The following NWD2 variants were observed in gnomAD, a reference collection of about 807,000 sequenced individuals.
The protein encoded by NWD2 is NACHT and WD repeat domain containing 2.
A neutral mutation model predicts 132.7 loss-of-function variants in NWD2; 37 were observed. The observed-to-expected ratio is 0.28, with a 90% CI of 0.21 to 0.37. The LOEUF is 0.37. Among genes scored for constraint, NWD2 ranks in the 10% least tolerant of loss-of-function variants. The pLI, the probability that NWD2 is intolerant of heterozygous loss-of-function variation, is 1.00. For synonymous variants in NWD2, 705 were observed against 803.0 expected (o/e 0.88, Z 2.06); for missense variants, 1,592 against 2,122.4 (o/e 0.75, Z 4.91).
At position 37,394,810 on chromosome 4, in the gene NWD2, T is replaced by TTTGTTTTGTTTTG. The variant is rs1472126927; in HGVS notation, c.358-35760_358-35759insGTTTTGTTTTGTT. On this transcript the variant is annotated intron_variant, in intron 3 of 6. Transcript: ENST00000309447. ...AGTGAACCTTTATGGTTTTTTTTTT[T>TTTGTTTTGTTTTG]TTTTTTTTTTTTTTTTTTGAGGCAG... 1.8e-4 allele frequency among the ~76,000 whole-genome samples: 22 copies of TTTGTTTTGTTTTG among 121,456 alleles called. 1 individual carries two copies. Among genetic ancestry groups the TTTGTTTTGTTTTG allele is most frequent in the African/African-American group, 6.1e-4 (19 of 31,342 alleles). 79.7% of individuals were successfully genotyped at this position (121,456 alleles called of 152,430 possible). A position where few individuals can be genotyped will look rare whatever the true frequency, so the allele number is the denominator to read the frequency against.
chr4:37,315,031 G>T (rs1013542996), intron 1 of NWD2, among the ~76,000 whole-genome samples: 1 of 152,004 alleles, frequency 6.6e-6, no homozygotes, highest in Middle Eastern at 3.2e-3. Flanking sequence ...CAAATATTTA[G>T]AAATATATTA....
intron 3 of NWD2, among the ~76,000 whole-genome samples, chr4:37,390,988 G>T (rs567630249): frequency 1.3e-5 from 2 of 152,148 alleles, no homozygotes; most frequent in Non-Finnish European, 2.9e-5. Flanking sequence ...TTCATTTAGA[G>T]TTCATTAAAA....
intron 1 of NWD2, among the ~76,000 whole-genome samples, chr4:37,250,798 A>G (rs371414344): frequency 5.3e-5 from 8 of 152,212 alleles, no homozygotes; most frequent in South Asian, 2.1e-4. Flanking sequence ...TTGTCATTGT[A>G]TGAACATCGT....
intron 3 of NWD2, among the ~76,000 whole-genome samples, chr4:37,368,022 T>C (rs1720135522): frequency 6.6e-6 from 1 of 152,130 alleles, no homozygotes; most frequent in Non-Finnish European, 1.5e-5. Context: ...AACTATAAGG[T>C]CCTGTTCCAG....
chr4:37,391,892 A>G (rs954262332), intron 3 of NWD2, among the ~76,000 whole-genome samples: 2 of 152,176 alleles, frequency 1.3e-5, no homozygotes, highest in Non-Finnish European at 2.9e-5. Flanking sequence ...TCATCAGCTT[A>G]AGTATGTTCG....
chr4:37,253,921 T>TA (rs753630876), intron 1 of NWD2, among the ~76,000 whole-genome samples: 4 of 152,210 alleles, frequency 2.6e-5, no homozygotes, highest in Admixed American at 2.0e-4. Flanking sequence ...TTCTTTTTTT[T>TA]ATCCATCCTT....
chr4:37,304,617 C>A (rs776679990), intron 1 of NWD2, among the ~76,000 whole-genome samples: 1 of 152,150 alleles, frequency 6.6e-6, no homozygotes, highest in South Asian at 2.1e-4. Flanking sequence ...CAAAACAAAG[C>A]GGCTACAGGC....
intron 1 of NWD2, among the ~76,000 whole-genome samples, chr4:37,259,047 C>T (rs1264115798): frequency 6.6e-6 from 1 of 152,140 alleles, no homozygotes; most frequent in Non-Finnish European, 1.5e-5. Context: ...AGCACCTGCA[C>T]CTGCAAGGGG....
chr4:37,372,844 T>C (rs914251877), intron 3 of NWD2, among the ~76,000 whole-genome samples: 2 of 152,240 alleles, frequency 1.3e-5, no homozygotes, highest in African/African-American at 4.8e-5. Flanking sequence ...CTATAAAAGC[T>C]ATTATCTCTC....
At chr4:37,308,777 CTG>C (rs1271962488) in intron 1 of NWD2, among the ~76,000 whole-genome samples, 1 of 152,098 alleles carries the variant, frequency 6.6e-6, no homozygotes, top group African/African-American at 2.4e-5. Context: ...AGCCTTGACA[CTG>C]GAGTAGGCAA....
intron 3 of NWD2, among the ~76,000 whole-genome samples, chr4:37,399,920 T>C (rs1560412906): frequency 6.6e-6 from 1 of 152,240 alleles, no homozygotes; most frequent in Non-Finnish European, 1.5e-5. Flanking sequence ...TGCATGATTC[T>C]GATGCATGCT....
intron 3 of NWD2, among the ~76,000 whole-genome samples, chr4:37,415,388 A>C (rs934126499): frequency 6.6e-6 from 1 of 152,198 alleles, no homozygotes; most frequent in African/African-American, 2.4e-5. Flanking sequence ...GGTGATGCCA[A>C]GTAGATAAAT....
chr4:37,260,485 G>GAAAA (rs1560379164), intron 1 of NWD2, among the ~76,000 whole-genome samples: 2 of 152,132 alleles, frequency 1.3e-5, no homozygotes, highest in African/African-American at 4.8e-5. Flanking sequence ...GCATCTACTC[G>GAAAA]ATTGCCTGAA....
intron 1 of NWD2, among the ~76,000 whole-genome samples, chr4:37,267,501 A>G (rs1164199263): frequency 6.6e-6 from 1 of 151,968 alleles, no homozygotes; most frequent in Non-Finnish European, 1.5e-5. Flanking sequence ...GGATGCCTAC[A>G]TTTTAAAATG....
intron 2 of NWD2, among the ~76,000 whole-genome samples, chr4:37,347,718 T>C (rs12505080): frequency 0.26 from 39,417 of 152,148 alleles, 5,761 homozygotes; most frequent in Admixed American, 0.41. Context: ...TTACTTTATA[T>C]AATTGTATGA....
intron 1 of NWD2, among the ~76,000 whole-genome samples, chr4:37,246,324 T>G (rs1717244637): frequency 6.6e-6 from 1 of 152,204 alleles, no homozygotes; most frequent in South Asian, 2.1e-4. Context: ...TCTAGAAAAT[T>G]ACCGTTTCGG....
At chr4:37,277,863 T>G (rs1412263098) in intron 1 of NWD2, among the ~76,000 whole-genome samples, 4 of 151,946 alleles carry the variant, frequency 2.6e-5, no homozygotes, top group Admixed American at 6.6e-5. Context: ...AAGATTATTG[T>G]TTTTTTTCTG....
In NWD2 at chr4:37,444,850, G is replaced by A. The variant is rs1275554163; in HGVS notation, c.2862G>A (p.Val954=). Residue 954 remains valine (V), a synonymous_variant, in exon 7 of 7, where the codon GTG becomes GTA. Transcript: ENST00000309447. The surrounding 1 kb of genome is among the most constrained non-coding windows in gnomAD (Gnocchi z 4.8). The part of the protein sequence containing the change: ...SIVPLHSSMD[V]TYSPERLPLS... ...TACCACTGCATTCATCCATGGATGT[G>A]ACATACAGCCCAGAGCGTCTTCCCT... The A allele has an allele frequency of 6.4e-7, 1 of 1,552,188 alleles. No homozygotes were observed. Among genetic ancestry groups the A allele is most frequent in the African/African-American group, 1.4e-5 (1 of 73,122 alleles).
intron 2 of NWD2, among the ~76,000 whole-genome samples, chr4:37,330,216 CAATT>C (rs1333569240): frequency 1.3e-5 from 2 of 152,052 alleles, no homozygotes; most frequent in South Asian, 2.1e-4. Context: ...ATGTAAACTT[CAATT>C]AATTCTATAT....
Sources: allele counts gnomAD v4.1 joint callset (sites outside exome capture counted in the v4.1 genomes callset), GRCh38; gene constraint gnomAD v4.1.1; non-coding constraint Gnocchi (gnomAD v3.1); transcripts MANE v1.5; gene names NCBI Gene and HGNC (gene_info 2026-07-23, HGNC 2026-07-21).